Variants in RPS6KB2 observed in about 807,000 individuals in gnomAD.
The protein encoded by RPS6KB2 is ribosomal protein S6 kinase beta-2.
Under a neutral mutation model 58.2 loss-of-function variants are expected in RPS6KB2, and 51 were observed. The observed-to-expected ratio is 0.88, with a 90% CI of 0.70 to 1.11. The LOEUF (loss-of-function observed/expected upper bound fraction) is 1.11. RPS6KB2 is among the 50% of genes least tolerant of loss of function. RPS6KB2 has a pLI of 0.00. For synonymous variants in RPS6KB2, 293 were observed against 258.6 expected, an observed-to-expected ratio of 1.13 and a Z score of -1.28; for missense variants, 671 against 655.8, an observed-to-expected ratio of 1.02 and a Z score of -0.25.
At chr11:67,431,814 T>G (rs928650109) in intron 5 of RPS6KB2, 2 of 367,918 alleles carry the variant, frequency 5.4e-6, no homozygotes, top group Admixed American at 4.1e-5. Flanking sequence ...CCTCCCTGTC[T>G]TGTTCTTCTC....
intron 7 of RPS6KB2, 30 bp downstream of exon 7, chr11:67,432,867 CGGGGTCTGCAATCTGT>C: frequency 6.2e-7 from 1 of 1,609,902 alleles, no homozygotes; most frequent in African/African-American, 1.3e-5. Flanking sequence ...CAGCTGCAGG[CGGGGTCTGCAATCTGT>C]GGGGAGGGCT....
chr11:67,434,474 AG>A lies in RPS6KB2; in HGVS notation c.1147del (p.Ala383ProfsTer111). On this transcript the variant is annotated frameshift_variant, in exon 13 of 15. Transcript: ENST00000312629. LOFTEE classifies it high-confidence loss of function. ...DDTALSESAN[Q>X]AFLGFTYVAP... ...ACAGCCCTCAGCGAGAGTGCCAACC[AG>A]GCCTTCCTGGTGAGTGCGGGGGCCT... 6.2e-7 allele frequency: 1 copy of A among 1,612,212 alleles called. No individual in the cohort carries two copies. Among genetic ancestry groups the A allele is most frequent in the Non-Finnish European group, 8.5e-7 (1 of 1,179,766 alleles).
At position 67,429,073 on chromosome 11, in the gene RPS6KB2, C is replaced by G. The variant is rs917570; in HGVS notation, c.120-47C>G. On this transcript the variant is annotated intron_variant, in intron 2 of 14. Transcript: ENST00000312629. ...GGGGGAATGGAGTGGGGAAGGGGAA[C>G]TGGGGAGCACTGGAGCCTTGTCCTC... 0.37 allele frequency: 595,902 copies of G among 1,612,102 alleles called. 116,566 individuals are homozygous for G. Among genetic ancestry groups the G allele is most frequent in the Non-Finnish European group, 0.42 (489,930 of 1,178,658 alleles).
chr11:67,428,640 G>A lies in RPS6KB2; in HGVS notation c.78+17G>A. 1 of 1,598,922 alleles carries A rather than the reference G, an allele frequency of 6.3e-7. No homozygotes were observed. The highest frequency in any genetic ancestry group is 1.1e-5 in the South Asian group (1 of 90,022). ...AGCCCCGCGGTGAGTGCCCTGCCCT[G>A]GCGCGACTGGATCCTGGAGCCGATC... On this transcript the variant is annotated intron_variant, in intron 1 of 14. Coordinates refer to ENST00000312629, the MANE Select transcript of RPS6KB2 (RefSeq NM_003952.3).
In RPS6KB2 at chr11:67,434,056, AGGTGGGTTTG is replaced by A. The variant is rs1864150514; in HGVS notation, c.969+2_969+11del. The A allele has an allele frequency of 6.2e-7, 1 of 1,613,968 alleles. No individual in the cohort carries two copies. Among genetic ancestry groups the A allele is most frequent in the African/African-American group, 1.3e-5 (1 of 74,946 alleles). ...GGCCCAGGGGATGCTGCTGATGTGCAGGTGGGTTTGGGACCACCACCAGGGGTAGGGCTGA... is the reference window on the plus strand; with the variant it reads ...GGCCCAGGGGATGCTGCTGATGTGCAGGACCACCACCAGGGGTAGGGCTGA... On this transcript the variant is annotated splice_donor_variant and splice_donor_5th_base_variant and coding_sequence_variant and intron_variant, in exon 11 of 15. Coordinates refer to ENST00000312629, the MANE Select transcript of RPS6KB2 (RefSeq NM_003952.3). LOFTEE classifies it high-confidence loss of function.
chr11:67,431,183 T>C, intron 4 of RPS6KB2, 185 bp from the exon 5 acceptor site: 1 of 522,026 alleles, frequency 1.9e-6, no homozygotes, highest in South Asian at 2.1e-5. Flanking sequence ...GCGTGTACCA[T>C]CATACCCAGC....
At chr11:67,433,537 C>T (rs1790753) in intron 10 of RPS6KB2, 90 bp downstream of exon 10, 420,533 of 998,264 alleles carry the variant, frequency 0.42, 95,146 homozygotes, top group African/African-American at 0.74. Context: ...GCCAGGGCCA[C>T]CCCGGCCTGT....
At chr11:67,428,769 T>C in intron 1 of RPS6KB2, 146 bp downstream of exon 1, 1 of 912,906 alleles carries the variant, frequency 1.1e-6, no homozygotes, top group Non-Finnish European at 1.7e-6. Flanking sequence ...TATTAAGTTC[T>C]GATCCCACCC....
intron 4 of RPS6KB2, chr11:67,430,222 C>G (rs1163203566): frequency 6.6e-6 from 1 of 152,080 alleles, no homozygotes; most frequent in East Asian, 1.9e-4. Flanking sequence ...TCTCTTACCT[C>G]AGCCTCCTGA....
chr11:67,429,415 C>T lies in RPS6KB2; in HGVS notation c.241-112C>T. On this transcript the variant is annotated intron_variant, in intron 3 of 14. Coordinates refer to ENST00000312629, the MANE Select transcript of RPS6KB2 (RefSeq NM_003952.3). ...AATCGGACTTGAAATCTTCACTGCC[C>T]CACCCTTGGCAGGGCCTAGGCCTCC... The T allele has an allele frequency of 5.1e-6, 7 of 1,363,208 alleles. 1 individual carries two copies. The South Asian group carries it at 8.7e-5, about 17-fold the overall frequency. The allele number at this position is 1,363,208 out of a possible 1,614,324, so 84.4% of individuals were successfully genotyped here.
Position 67,429,239 on chromosome 11 carries a change from A to G in RPS6KB2, c.239A>G (p.Lys80Arg), listed in dbSNP as rs1386457776. The G allele has an allele frequency of 1.6e-5, 25 of 1,612,802 alleles. No individual in the cohort carries two copies. The highest frequency in any genetic ancestry group is 2.1e-5 in the Non-Finnish European group (25 of 1,179,988). The change falls in exon 3 of 15, where the codon AAG (lysine) becomes AGG (arginine). Residue 80 changes from lysine to arginine, a missense_variant and splice_region_variant. Coordinates refer to ENST00000312629, the MANE Select transcript of RPS6KB2 (RefSeq NM_003952.3). ...GTGCTGGGCAAGGGGGGCTATGGCA[A>G]GGTAGGGGCGGGCGCACCCTCCTCC... The part of the protein sequence containing the change: ...LRVLGKGGYG[K>R]VFQVRKVQGT...
At position 67,435,097 on chromosome 11, in the gene RPS6KB2, C is replaced by A; in HGVS notation, c.1377C>A (p.Thr459=). ...TGCCACCGCCGCCGCCCTCGACCAC[C>A]GCCCCTCTCCCCATCCGTCCCCCCT... ...PLLPPPPPST[T]APLPIRPPSG... The change falls in exon 15 of 15, where the codon ACC becomes ACA. Residue 459 remains threonine (T), a synonymous_variant. Transcript: ENST00000312629. 1.2e-6 allele frequency: 2 copies of A among 1,609,002 alleles called. No homozygotes were observed. Among genetic ancestry groups the A allele is most frequent in the South Asian group, 2.2e-5 (2 of 90,990 alleles).
At position 67,433,260 on chromosome 11, in the gene RPS6KB2, G is replaced by A. The variant is rs762941726; in HGVS notation, c.798+44G>A. ...GAGGAGGAGGGGCAGGGGCAGAGGT[G>A]GGAGTAGCCCCCCTCCTGGGGCAAG... On this transcript the variant is annotated intron_variant, in intron 9 of 14. Transcript: ENST00000312629. 20 of 1,605,236 alleles carry A rather than the reference G, an allele frequency of 1.2e-5. No homozygotes were observed. The South Asian group carries it at 1.5e-4, about 12-fold the overall frequency.
chr11:67,433,734 G>A (rs557076220), intron 10 of RPS6KB2, among the ~76,000 whole-genome samples: 31 of 152,338 alleles, frequency 2.0e-4, no homozygotes, highest in African/African-American at 7.0e-4. Flanking sequence ...TTAGGGGGAG[G>A]CCGGACAGCC....
rs1163231793 is a variant in RPS6KB2 at position 67,428,494 on chromosome 11, A to T, written c.-52A>T. On this transcript the variant is annotated 5_prime_UTR_variant, in exon 1 of 15. Transcript: ENST00000312629. ...GATGATGTTTAGGTCCGGGACTGTC[A>T]GTCAGTGCGCGGCCAGGTACGGGCC... The T allele has an allele frequency of 1.3e-6, 2 of 1,513,754 alleles. No homozygotes were observed. Among genetic ancestry groups the T allele is most frequent in the East Asian group, 2.3e-5 (1 of 43,036 alleles). The allele number at this position is 1,513,754 out of a possible 1,614,324, so 93.8% of individuals were successfully genotyped here.
At chr11:67,431,029 A>ATT (rs60580998) in intron 4 of RPS6KB2, 67 of 128,626 alleles carry the variant, frequency 5.2e-4, no homozygotes, top group South Asian at 7.6e-4. Flanking sequence ...GGTTGCCCCC[A>ATT]TTTTTTTTTT....
intron 3 of RPS6KB2, 97 bp from the exon 4 acceptor site, chr11:67,429,430 C>A: frequency 7.1e-7 from 1 of 1,401,982 alleles, no homozygotes; most frequent in Non-Finnish European, 9.9e-7. Context: ...CTTGGCAGGG[C>A]CTAGGCCTCC....
intron 5 of RPS6KB2, 70 bp from the exon 6 acceptor site, chr11:67,432,530 G>A: frequency 1.9e-6 from 3 of 1,540,360 alleles, no homozygotes; most frequent in Non-Finnish European, 1.8e-6. Context: ...TCCCCAAGAA[G>A]AAATAAAGAC....
At chr11:67,432,904 G>T in intron 7 of RPS6KB2, 48 bp from the exon 8 acceptor site, 1 of 1,608,976 alleles carries the variant, frequency 6.2e-7, no homozygotes, top group Non-Finnish European at 8.5e-7. Flanking sequence ...GAGGACCTCT[G>T]TGGGTGGGGT....
Sources: allele counts gnomAD v4.1 joint callset (sites outside exome capture counted in the v4.1 genomes callset), GRCh38; gene constraint gnomAD v4.1.1; transcripts MANE v1.5; gene names NCBI Gene and HGNC (gene_info 2026-07-23, HGNC 2026-07-21).